The following WIF1 variants were observed in gnomAD, a reference collection of about 807,000 sequenced individuals.
The protein encoded by WIF1 is Wnt inhibitory factor 1.
Under a neutral mutation model 53.5 loss-of-function variants are expected in WIF1, and 35 were observed. That is an observed-to-expected ratio of 0.65 (90% CI 0.50 to 0.87). WIF1 has a LOEUF of 0.87. WIF1 is among the 40% of genes least tolerant of loss of function. The probability of loss-of-function intolerance (pLI) is 0.00; values close to 1 mark genes in which losing one functional copy is unlikely to be tolerated. For synonymous variants in WIF1, 171 were observed against 170.4 expected, an observed-to-expected ratio of 1.00 and a Z score of -0.03; for missense variants, 467 against 476.8, an observed-to-expected ratio of 0.98 and a Z score of 0.19.
intron 2 of WIF1, among the ~76,000 whole-genome samples, chr12:65,082,855 A>C (rs749875864): frequency 6.6e-5 from 10 of 152,198 alleles, no homozygotes; most frequent in Non-Finnish European, 1.5e-4. Context: ...AAGCACAATA[A>C]TTGTAGGAGC....
intron 2 of WIF1, among the ~76,000 whole-genome samples, chr12:65,086,678 G>C (rs1043787642): frequency 6.6e-6 from 1 of 150,816 alleles, no homozygotes; most frequent in African/African-American, 2.4e-5. Context: ...AAAGGGAAAA[G>C]GAATCTCTTT....
chr12:65,117,796 C>T (rs1436105333), intron 2 of WIF1, among the ~76,000 whole-genome samples: 1 of 152,150 alleles, frequency 6.6e-6, no homozygotes, highest in African/African-American at 2.4e-5. Context: ...GTGCAATTCA[C>T]AATAGGGTTC....
At chr12:65,098,303 A>C (rs929832164) in intron 2 of WIF1, among the ~76,000 whole-genome samples, 2 of 152,144 alleles carry the variant, frequency 1.3e-5, no homozygotes, top group Non-Finnish European at 2.9e-5. Context: ...ATAATAAGGA[A>C]TCTCAGAGAG....
chr12:65,089,570 C>T (rs1331285578), intron 2 of WIF1, among the ~76,000 whole-genome samples: 1 of 152,158 alleles, frequency 6.6e-6, no homozygotes, highest in Non-Finnish European at 1.5e-5. Flanking sequence ...TCTAGCTCTG[C>T]CCACCAGCCT....
chr12:65,119,235 G>A (rs1883559300), intron 2 of WIF1, among the ~76,000 whole-genome samples: 2 of 152,174 alleles, frequency 1.3e-5, no homozygotes, highest in South Asian at 4.1e-4. Flanking sequence ...TCTCCCTATA[G>A]AGCAATGGAA....
At chr12:65,119,937 C>A (rs1354397445) in intron 2 of WIF1, among the ~76,000 whole-genome samples, 3 of 152,162 alleles carry the variant, frequency 2.0e-5, no homozygotes, top group African/African-American at 7.2e-5. Context: ...CTAACTTCTA[C>A]CAGAAATATG....
intron 2 of WIF1, among the ~76,000 whole-genome samples, chr12:65,108,061 C>T (rs1373621678): frequency 6.6e-6 from 1 of 152,222 alleles, no homozygotes; most frequent in East Asian, 1.9e-4. Context: ...AGATAATTCA[C>T]TCCTCCCCCA....
intron 9 of WIF1, among the ~76,000 whole-genome samples, chr12:65,053,505 T>C (rs148157273): frequency 4.4e-4 from 67 of 152,286 alleles, no homozygotes; most frequent in African/African-American, 1.4e-3. Context: ...GCAAGCTCCT[T>C]CTATGGTCAT....
chr12:65,099,372 C>A (rs1033974549), intron 2 of WIF1, among the ~76,000 whole-genome samples: 1 of 152,194 alleles, frequency 6.6e-6, no homozygotes, highest in African/African-American at 2.4e-5. Context: ...ATGTTCACTG[C>A]AGCAGATTTT....
At position 65,084,872 on chromosome 12, in the gene WIF1, C is replaced by T. The variant is rs76773659; in HGVS notation, c.289-7018G>A. The stretch of plus-strand genomic sequence containing the variant: ...GGCCAAAAACTTCTCTCTTACTCTT[C>T]TGTGTGGTCAGTCATTGCAGCCCAC... On this transcript the variant is annotated intron_variant, in intron 2 of 9. Transcript: ENST00000286574. Among the ~76,000 whole-genome samples, 737 of 152,262 alleles carry T rather than the reference C, an allele frequency of 4.8e-3. 3 individuals are homozygous for T. Among genetic ancestry groups the T allele is most frequent in the Non-Finnish European group, 8.2e-3 (561 of 68,010 alleles).
At chr12:65,063,894 TC>T (rs374430363) in intron 6 of WIF1, among the ~76,000 whole-genome samples, 2,128 of 152,100 alleles carry the variant, frequency 0.014, 59 homozygotes, top group African/African-American at 0.049. Flanking sequence ...TTGAATTTTT[TC>T]TGTATAGATG....
chr12:65,095,288 C>T (rs1193295188), intron 2 of WIF1, among the ~76,000 whole-genome samples: 2 of 152,018 alleles, frequency 1.3e-5, no homozygotes, highest in Non-Finnish European at 2.9e-5. Flanking sequence ...GCCAAAGCCA[C>T]TTCTGAGCAA....
In WIF1 at chr12:65,050,716, A is replaced by C; in HGVS notation, c.*633T>G. On this transcript the variant is annotated 3_prime_UTR_variant, in exon 10 of 10. Coordinates refer to ENST00000286574, the MANE Select transcript of WIF1 (RefSeq NM_007191.5). ...AGCTGTGTTTTGTTTACAATATATT[A>C]TATTGCTTCAAGCCAATGCAAAAAG... The C allele has an allele frequency of 5.4e-6, 1 of 185,572 alleles. No individual in the cohort carries two copies. The highest frequency in any genetic ancestry group is 1.1e-5 in the Non-Finnish European group (1 of 87,522). 11.5% of individuals were successfully genotyped at this position (185,572 alleles called of 1,614,324 possible). A position where few individuals can be genotyped will look rare whatever the true frequency, so the allele number is the denominator to read the frequency against.
chr12:65,063,119 TCAGAAAAAGACTGTGGGCC>T (rs1350228295), intron 6 of WIF1, among the ~76,000 whole-genome samples: 4 of 152,184 alleles, frequency 2.6e-5, no homozygotes, highest in Non-Finnish European at 5.9e-5. Flanking sequence ...GTAACTGTAT[TCAGAAAAAGACTGTGGGCC>T]CAGGTGAGAT....
intron 2 of WIF1, among the ~76,000 whole-genome samples, chr12:65,085,571 G>A (rs1390222383): frequency 2.0e-5 from 3 of 152,186 alleles, no homozygotes; most frequent in Admixed American, 2.0e-4. Context: ...AAAAGGAAAA[G>A]GGAAAGCACC....
At chr12:65,073,713 G>T (rs1882816894) in intron 3 of WIF1, among the ~76,000 whole-genome samples, 1 of 152,194 alleles carries the variant, frequency 6.6e-6, no homozygotes, top group South Asian at 2.1e-4. Context: ...CACTGATTTG[G>T]TTACTTTTTA....
intron 2 of WIF1, among the ~76,000 whole-genome samples, chr12:65,113,893 G>T (rs1369342502): frequency 6.6e-6 from 1 of 152,154 alleles, no homozygotes; most frequent in African/African-American, 2.4e-5. Context: ...TGGAACAGGG[G>T]TCAGAAAATG....
chr12:65,103,325 T>C (rs1429677982), intron 2 of WIF1, among the ~76,000 whole-genome samples: 2 of 152,192 alleles, frequency 1.3e-5, no homozygotes, highest in African/African-American at 4.8e-5. Context: ...TGAAAGCATG[T>C]TTTAAATGAT....
rs1883056707 is a variant in WIF1, at chr12:65,087,451, G to A, written c.289-9597C>T. 1.3e-5 allele frequency among the ~76,000 whole-genome samples: 2 copies of A among 152,062 alleles called. 1 individual carries two copies. The highest frequency in any genetic ancestry group is 4.1e-4 in the South Asian group (2 of 4,826). On this transcript the variant is annotated intron_variant, in intron 2 of 9. Transcript: ENST00000286574. ...ATTTACTTCATTCTATTGATAAAAA[G>A]TAAATGTCAAAATTTTAAACTTGAA...
Sources: allele counts gnomAD v4.1 joint callset (sites outside exome capture counted in the v4.1 genomes callset), GRCh38; gene constraint gnomAD v4.1.1; transcripts MANE v1.5; gene names NCBI Gene and HGNC (gene_info 2026-07-23, HGNC 2026-07-21).